Variants in EIF4E3 observed in about 807,000 individuals in gnomAD.
EIF4E3 encodes eukaryotic translation initiation factor 4E family member 3.
A neutral mutation model predicts 31.7 loss-of-function variants in EIF4E3; 26 were observed. That is an observed-to-expected ratio of 0.82 (90% confidence interval 0.60 to 1.14). EIF4E3 has a LOEUF of 1.14. Ranked by LOEUF, EIF4E3 falls within the 50% of genes most tolerant of loss-of-function variation. The pLI, the probability that EIF4E3 is intolerant of heterozygous loss-of-function variation, is 0.00. For synonymous variants in EIF4E3, 128 were observed against 107.7 expected (o/e 1.19, Z -1.17); for missense variants, 304 against 270.9 (o/e 1.12, Z -0.86).
downstream of EIF4E3, among the ~76,000 whole-genome samples, chr3:71,673,591 CTTCA>C (rs142152252): frequency 0.022 from 3,337 of 151,816 alleles, 50 homozygotes; most frequent in Middle Eastern, 0.085. Context: ...TCAAACATTC[CTTCA>C]TTCAAACATG....
chr3:71,709,269 C>A (rs2049340719), intron 2 of EIF4E3, among the ~76,000 whole-genome samples: 1 of 152,200 alleles, frequency 6.6e-6, no homozygotes, highest in African/African-American at 2.4e-5. Flanking sequence ...AACTCTGAAG[C>A]AGCCACAATA....
At chr3:71,710,560 C>A in intron 1 of EIF4E3, 76 bp from the exon 2 acceptor site, 1 of 1,416,198 alleles carries the variant, frequency 7.1e-7, no homozygotes, top group South Asian at 1.2e-5. Flanking sequence ...ACAGTAGAAT[C>A]TTTCACGTCT....
At chr3:71,738,363 C>G (rs1405203813) in intron 1 of EIF4E3, among the ~76,000 whole-genome samples, 2 of 151,736 alleles carry the variant, frequency 1.3e-5, no homozygotes, top group African/African-American at 4.8e-5. Flanking sequence ...AAATAACAAG[C>G]AAATACACAA....
the EIF4E3 span, among the ~76,000 whole-genome samples, chr3:71,667,035 C>T: frequency 6.6e-6 from 1 of 152,174 alleles, no homozygotes; most frequent in Non-Finnish European, 1.5e-5. Flanking sequence ...TGCAGCAGCA[C>T]ATTAAAAAGC....
At chr3:71,686,064 C>A (rs9851606) in intron 6 of EIF4E3, among the ~76,000 whole-genome samples, 2,439 of 152,308 alleles carry the variant, frequency 0.016, 64 homozygotes, top group African/African-American at 0.055. Flanking sequence ...CGGCTCACTG[C>A]AGCCTTGACT....
At position 71,725,040 on chromosome 3, in the gene EIF4E3, C is replaced by A. The variant is rs994058078; in HGVS notation, c.176+152G>T. On this transcript the variant is annotated intron_variant, in intron 1 of 6. Transcript: ENST00000425534. The surrounding 1 kb of genome is among the most constrained non-coding windows in gnomAD (Gnocchi z 6.1). ...GAAGCTGGCTTCCGACCCGGCGGGG[C>A]GAGTCCCGGGGTGCGCAGGCGGACG... Among the ~76,000 whole-genome samples the A allele has an allele frequency of 7.9e-5, 12 of 151,524 alleles. No individual in the cohort carries two copies. The highest frequency in any genetic ancestry group is 2.9e-4 in the African/African-American group (12 of 41,264).
At chr3:71,740,329 A>G (rs1213687247) in intron 1 of EIF4E3, among the ~76,000 whole-genome samples, 2 of 152,230 alleles carry the variant, frequency 1.3e-5, no homozygotes, top group African/African-American at 4.8e-5. Flanking sequence ...AGAACCAACA[A>G]TAAGGCTGCC....
In EIF4E3 at chr3:71,679,702, T is replaced by A. The variant is rs181017476; in HGVS notation, c.*4980A>T. ...ACTTATTTGATTTTTTTGACATTTC[T>A]ATGTATTAAAGGATCTCTCCAGTTT... is the stretch of plus-strand genomic sequence containing the variant. On this transcript the variant is annotated 3_prime_UTR_variant, in exon 7 of 7. Coordinates refer to ENST00000425534, the MANE Select transcript of EIF4E3 (RefSeq NM_001134651.2). 6.6e-6 allele frequency: 1 copy of A among 152,332 alleles called. No homozygotes were observed. The highest frequency in any genetic ancestry group is 1.9e-4 in the East Asian group (1 of 5,192). The allele number at this position is 152,332 out of a possible 1,614,324, so 9.4% of individuals were successfully genotyped here. A position where few individuals can be genotyped will look rare whatever the true frequency, so the allele number is the denominator to read the frequency against.
At chr3:71,699,339 T>C (rs576008533) in intron 3 of EIF4E3, among the ~76,000 whole-genome samples, 1 of 152,324 alleles carries the variant, frequency 6.6e-6, no homozygotes, top group Admixed American at 6.5e-5. Context: ...ATTTTATTAA[T>C]GAGTAAATAA....
At chr3:71,736,219 C>A (rs980555664) in intron 1 of EIF4E3, among the ~76,000 whole-genome samples, 2 of 152,208 alleles carry the variant, frequency 1.3e-5, no homozygotes, top group African/African-American at 4.8e-5. Context: ...CAAAATGGTA[C>A]AGCCACTTTG....
intron 2 of EIF4E3, among the ~76,000 whole-genome samples, chr3:71,703,811 CAAAAAAAAAAAA>C (rs370789059): frequency 1.4e-5 from 1 of 72,472 alleles, no homozygotes; most frequent in African/African-American, 5.8e-5. Flanking sequence ...AAACACACAT[CAAAAAAAAAAAA>C]AAAAAAAAAA....
intron 1 of EIF4E3, among the ~76,000 whole-genome samples, chr3:71,733,836 G>C (rs888478157): frequency 6.6e-6 from 1 of 152,056 alleles, no homozygotes; most frequent in African/African-American, 2.4e-5. Flanking sequence ...AATTAGTAAA[G>C]GAAAATAAAG....
chr3:71,726,946 G>A (rs7637523), upstream of EIF4E3, among the ~76,000 whole-genome samples: 10 of 152,132 alleles, frequency 6.6e-5, no homozygotes, highest in East Asian at 1.9e-4. Context: ...CACTTTACCC[G>A]TAATAACTCA....
At chr3:71,734,444 G>A (rs2049740667) in intron 1 of EIF4E3, among the ~76,000 whole-genome samples, 1 of 152,092 alleles carries the variant, frequency 6.6e-6, no homozygotes, top group Non-Finnish European at 1.5e-5. Flanking sequence ...ATGCCTAAGG[G>A]TCATGTCTGC....
upstream of EIF4E3, chr3:71,754,541 C>G: frequency 7.4e-7 from 1 of 1,346,896 alleles, no homozygotes; most frequent in Non-Finnish European, 9.5e-7. This position sits in a 1 kb window ranked among gnomAD's most constrained non-coding sequence, Gnocchi z 5.8. Context: ...ACGGCGGTGG[C>G]GACGACGAGG....
downstream of EIF4E3, among the ~76,000 whole-genome samples, chr3:71,673,185 T>C (rs1186974034): frequency 6.6e-6 from 1 of 152,130 alleles, no homozygotes. Context: ...CTAGACTTAG[T>C]GTCATATTTC....
chr3:71,702,507 A>T (rs1024093813), intron 2 of EIF4E3, among the ~76,000 whole-genome samples: 2 of 152,192 alleles, frequency 1.3e-5, no homozygotes, highest in Non-Finnish European at 2.9e-5. Flanking sequence ...TCAGAAAAAC[A>T]CTAAAGATCA....
At chr3:71,733,494 T>C (rs1018844217) in intron 1 of EIF4E3, among the ~76,000 whole-genome samples, 4 of 152,212 alleles carry the variant, frequency 2.6e-5, no homozygotes, top group African/African-American at 9.6e-5. Context: ...ATCATATTTA[T>C]GACATAAGAA....
At chr3:71,733,855 G>T (rs961467679) in intron 1 of EIF4E3, among the ~76,000 whole-genome samples, 1 of 151,820 alleles carries the variant, frequency 6.6e-6, no homozygotes, top group Non-Finnish European at 1.5e-5. Flanking sequence ...AGCAATTCTT[G>T]AAAGGAAGCT....
Sources: gnomAD v4.1 joint callset for allele counts (sites outside exome capture counted in the v4.1 genomes callset) on GRCh38, gnomAD v4.1.1 for gene constraint, Gnocchi (gnomAD v3.1) non-coding constraint, MANE v1.5 for transcripts, NCBI Gene and HGNC (gene_info 2026-07-23, HGNC 2026-07-21) for gene names.